Variants in DNAH6 observed in about 807,000 individuals in gnomAD.
DNAH6 encodes the protein dynein axonemal heavy chain 6.
Under a neutral mutation model 491.4 loss-of-function variants are expected in DNAH6, and 340 were observed. The observed-to-expected ratio is 0.69, with a 90% CI of 0.63 to 0.76. DNAH6 has a LOEUF of 0.76. Ranked by LOEUF, DNAH6 falls within the 30% of genes least tolerant of loss-of-function variation. DNAH6 has a pLI of 0.00. For missense variants in DNAH6, 4,443 were observed against 4,972.2 expected, an observed-to-expected ratio of 0.89 and a Z score of 3.20; for synonymous variants, 1,603 against 1,686.1, an observed-to-expected ratio of 0.95 and a Z score of 1.21.
Position 84,677,052 on chromosome 2 carries a change from C to A in DNAH6, c.6660C>A (p.Asn2220Lys), listed in dbSNP as rs1278771948. 6.4e-7 allele frequency: 1 copy of A among 1,551,638 alleles called. No homozygotes were observed. The change falls in exon 41 of 77, where the codon AAC becomes AAA. Residue 2220 changes from asparagine (N) to lysine (K), a missense_variant. By Grantham distance (94) the Asn-to-Lys change is moderately conservative (BLOSUM62 0). Around this residue, in one of 3 missense-constraint regions of DNAH6, gnomAD observed 2,977 missense variants for 3,296.6 expected, o/e 0.90. Coordinates refer to ENST00000389394, the MANE Select transcript of DNAH6 (RefSeq NM_001370.2). ...SACAPPGGGR[N>K]PVTPRFIRHF... Reference sequence around the variant, plus strand: ...GTGCACCTCCAGGCGGTGGCCGCAACCCTGTGACTCCCCGCTTCATCAGAC... The same window carrying A: ...GTGCACCTCCAGGCGGTGGCCGCAAACCTGTGACTCCCCGCTTCATCAGAC...
At chr2:84,467,128 T>C in the DNAH6 span, among the ~76,000 whole-genome samples, 1 of 152,238 alleles carries the variant, frequency 6.6e-6, no homozygotes, top group East Asian at 1.9e-4. Context: ...CCTTTAACTT[T>C]AGCCAGTGTG....
At chr2:84,685,818 G>A (rs993204850) in intron 43 of DNAH6, among the ~76,000 whole-genome samples, 1 of 151,936 alleles carries the variant, frequency 6.6e-6, no homozygotes, top group Admixed American at 6.6e-5. Flanking sequence ...GTAAATTCAG[G>A]AAGTGTTTGT....
At chr2:84,793,425 T>C (rs1373578204) in intron 68 of DNAH6, among the ~76,000 whole-genome samples, 1 of 152,214 alleles carries the variant, frequency 6.6e-6, no homozygotes, top group Admixed American at 6.5e-5. Flanking sequence ...AAAACACTTC[T>C]GTGCTGCTTG....
At chr2:84,463,502 T>C in the DNAH6 span, among the ~76,000 whole-genome samples, 3 of 152,224 alleles carry the variant, frequency 2.0e-5, no homozygotes, top group Non-Finnish European at 2.9e-5. Flanking sequence ...CACCACCTGG[T>C]TCTCCCAAAG....
intron 24 of DNAH6, 58 bp from the exon 25 acceptor site, chr2:84,621,133 G>A (rs896238912): frequency 8.0e-6 from 12 of 1,504,478 alleles, no homozygotes; most frequent in South Asian, 3.7e-5. Flanking sequence ...AATACAGAAG[G>A]CATACAGCTT....
chr2:84,578,940 G>A (rs1682740912), intron 13 of DNAH6, among the ~76,000 whole-genome samples: 1 of 152,120 alleles, frequency 6.6e-6, no homozygotes, highest in Admixed American at 6.5e-5. Context: ...CTGCTGCCTT[G>A]TGAAGAAGGT....
In DNAH6 at chr2:84,619,124, T is replaced by A. The variant is rs1249592125; in HGVS notation, c.3573-561T>A. 3.3e-5 allele frequency among the ~76,000 whole-genome samples: 5 copies of A among 152,286 alleles called. No homozygotes were observed. In the East Asian group the frequency reaches 9.6e-4, roughly 29 times the overall value. ...TCTACATAGGTATAGCCTCACATGG[T>A]TGGAAATGGTGTGCTGGCAAAATTA... On this transcript the variant is annotated intron_variant, in intron 23 of 76. Coordinates refer to ENST00000389394, the MANE Select transcript of DNAH6 (RefSeq NM_001370.2).
At chr2:84,571,913 G>A (rs993610743) in intron 11 of DNAH6, among the ~76,000 whole-genome samples, 3 of 151,634 alleles carry the variant, frequency 2.0e-5, no homozygotes, top group African/African-American at 7.3e-5. Flanking sequence ...GAGAGACTCT[G>A]TCTCAAAAAG....
chr2:84,742,480 G>A (rs573127355), intron 62 of DNAH6, among the ~76,000 whole-genome samples: 10 of 152,198 alleles, frequency 6.6e-5, no homozygotes, highest in African/African-American at 1.7e-4. Context: ...TGCTACTGGC[G>A]TCTGGTGGGT....
chr2:84,587,955 A>G (rs1316733846), intron 15 of DNAH6, among the ~76,000 whole-genome samples: 1 of 152,186 alleles, frequency 6.6e-6, no homozygotes, highest in African/African-American at 2.4e-5. Flanking sequence ...GCTAGCCCCT[A>G]TGCTGCAATC....
At chr2:84,792,265 T>C (rs1292327637) in intron 68 of DNAH6, among the ~76,000 whole-genome samples, 2 of 152,142 alleles carry the variant, frequency 1.3e-5, no homozygotes, top group Non-Finnish European at 2.9e-5. Flanking sequence ...TATAAAGTTA[T>C]AGTTATACAA....
At chr2:84,475,491 T>G in the DNAH6 span, among the ~76,000 whole-genome samples, 1 of 152,230 alleles carries the variant, frequency 6.6e-6, no homozygotes, top group Non-Finnish European at 1.5e-5. Context: ...CCTTTTTATT[T>G]CCTTTTCTAC....
intron 37 of DNAH6, among the ~76,000 whole-genome samples, chr2:84,666,130 C>A (rs901851463): frequency 3.7e-4 from 56 of 152,078 alleles, no homozygotes; most frequent in Non-Finnish European, 5.7e-4. Context: ...TTATGACAAA[C>A]CCACAGCCAA....
intron 64 of DNAH6, chr2:84,777,685 C>A: frequency 1.2e-6 from 1 of 814,072 alleles, no homozygotes. Context: ...CCCCAAGGAC[C>A]TACCCATGAC....
In DNAH6 at chr2:84,810,747, G is replaced by A. The variant is rs571134271; in HGVS notation, c.11740-1594G>A. On this transcript the variant is annotated intron_variant, in intron 72 of 76. Coordinates refer to ENST00000389394, the MANE Select transcript of DNAH6 (RefSeq NM_001370.2). ...AACCCACTCTCCTCCAGACAGAACC[G>A]TGGGATAGGACAGGTCCTAGGAGTG... Among the ~76,000 whole-genome samples the A allele has an allele frequency of 5.3e-5, 8 of 152,340 alleles. No individual in the cohort carries two copies. In the South Asian group the frequency reaches 1.7e-3, roughly 32 times the overall value.
intron 40 of DNAH6, 70 bp downstream of exon 40, chr2:84,672,554 T>C: frequency 5.7e-6 from 8 of 1,394,294 alleles, no homozygotes; most frequent in African/African-American, 1.4e-5. Flanking sequence ...GTATAGTTTG[T>C]GAGACTACCA....
chr2:84,795,705 A>G (rs778166948), intron 68 of DNAH6, among the ~76,000 whole-genome samples: 76 of 152,198 alleles, frequency 5.0e-4, no homozygotes, highest in Non-Finnish European at 9.1e-4. Flanking sequence ...CTTCCTTGCT[A>G]CACATAATTT....
At chr2:84,764,371 T>C (rs1324933072) in intron 64 of DNAH6, among the ~76,000 whole-genome samples, 1 of 152,140 alleles carries the variant, frequency 6.6e-6, no homozygotes, top group African/African-American at 2.4e-5. Flanking sequence ...CCAATGAGCA[T>C]ATGAAAAGAT....
intron 63 of DNAH6, among the ~76,000 whole-genome samples, chr2:84,761,624 T>G (rs1674586874): frequency 2.0e-5 from 3 of 152,076 alleles, no homozygotes; most frequent in Non-Finnish European, 4.4e-5. Context: ...TTCTAGACCT[T>G]TACACCTTTA....
Sources: allele counts gnomAD v4.1 joint callset (sites outside exome capture counted in the v4.1 genomes callset), GRCh38; gene constraint gnomAD v4.1.1; regional missense constraint gnomAD v4.1.1; transcripts MANE v1.5; gene names NCBI Gene and HGNC (gene_info 2026-07-23, HGNC 2026-07-21).